Variants in PITPNC1 observed in about 807,000 individuals in gnomAD.
PITPNC1 encodes the protein phosphatidylinositol transfer protein cytoplasmic 1.
A neutral mutation model predicts 44.7 loss-of-function variants in PITPNC1; 18 were observed. The observed-to-expected ratio is 0.40, with a 90% CI of 0.28 to 0.60. PITPNC1 has a LOEUF of 0.60. Among genes scored for constraint, PITPNC1 ranks in the 20% least tolerant of loss-of-function variants. PITPNC1 has a pLI of 0.39. For missense variants in PITPNC1, 290 were observed against 418.4 expected (o/e 0.69, Z 2.68); for synonymous variants, 141 against 149.6 (o/e 0.94, Z 0.42).
chr17:67,661,281 A>T (rs954483503), intron 6 of PITPNC1, among the ~76,000 whole-genome samples: 5 of 152,140 alleles, frequency 3.3e-5, no homozygotes, highest in African/African-American at 9.7e-5. Flanking sequence ...TGTCACCCAC[A>T]GTCAAGGTCA....
chr17:67,425,051 C>A (rs564199439), intron 1 of PITPNC1, among the ~76,000 whole-genome samples: 1 of 152,190 alleles, frequency 6.6e-6, no homozygotes, highest in South Asian at 2.1e-4. Flanking sequence ...AGATCCACCC[C>A]CTGCCTGCAA....
At chr17:67,603,176 G>A (rs2041564079) in intron 5 of PITPNC1, among the ~76,000 whole-genome samples, 1 of 152,154 alleles carries the variant, frequency 6.6e-6, no homozygotes, top group Non-Finnish European at 1.5e-5. Flanking sequence ...AGTGATTATG[G>A]CAGGGCCCCA....
At chr17:67,576,983 A>G (rs1193570633) in intron 4 of PITPNC1, among the ~76,000 whole-genome samples, 4 of 152,212 alleles carry the variant, frequency 2.6e-5, no homozygotes, top group Non-Finnish European at 5.9e-5. Context: ...CAAATTACAT[A>G]TTAAAAGCCA....
At chr17:67,463,205 C>G (rs534464196) in intron 1 of PITPNC1, among the ~76,000 whole-genome samples, 2 of 152,176 alleles carry the variant, frequency 1.3e-5, no homozygotes, top group South Asian at 4.1e-4. Flanking sequence ...TTCTGCATAG[C>G]AAGTAACAAT....
chr17:67,586,425 CAAAA>C (rs33998127), intron 5 of PITPNC1, among the ~76,000 whole-genome samples: 1 of 110,570 alleles, frequency 9.0e-6, no homozygotes, highest in Non-Finnish European at 1.9e-5. Context: ...GTTTCTACTT[CAAAA>C]AAAAAAAAAA....
chr17:67,589,629 T>C (rs1453886618), intron 5 of PITPNC1, among the ~76,000 whole-genome samples: 1 of 147,210 alleles, frequency 6.8e-6, no homozygotes, highest in Non-Finnish European at 1.5e-5. Flanking sequence ...AAGCCATCAA[T>C]GGATGCTAAG....
chr17:67,557,927 C>T (rs2040860348), intron 4 of PITPNC1, among the ~76,000 whole-genome samples: 1 of 152,214 alleles, frequency 6.6e-6, no homozygotes, highest in African/African-American at 2.4e-5. Flanking sequence ...AAGGTCAGAG[C>T]CCCAGTTAGG....
intron 5 of PITPNC1, among the ~76,000 whole-genome samples, chr17:67,608,752 TCTCAGCCTCC>T (rs1275806637): frequency 6.7e-6 from 1 of 150,084 alleles, no homozygotes; most frequent in East Asian, 2.0e-4. Context: ...GATGTGCCTT[TCTCAGCCTCC>T]CAAAGCGTTG....
At chr17:67,443,222 A>G (rs1461020361) in intron 1 of PITPNC1, among the ~76,000 whole-genome samples, 1 of 152,002 alleles carries the variant, frequency 6.6e-6, no homozygotes, top group Admixed American at 6.6e-5. Context: ...ACCTTTGTCC[A>G]TGCTCTGCTG....
At chr17:67,593,130 T>C (rs1386371569) in intron 5 of PITPNC1, among the ~76,000 whole-genome samples, 1 of 152,196 alleles carries the variant, frequency 6.6e-6, no homozygotes, top group East Asian at 1.9e-4. Flanking sequence ...ATGGAAACCA[T>C]TAAAATCATT....
chr17:67,687,049 ATC>A (rs1433329168), intron 8 of PITPNC1: 1 of 1,464,426 alleles, frequency 6.8e-7, no homozygotes, highest in Non-Finnish European at 9.6e-7. Context: ...AGTTGCCAAC[ATC>A]TTGACCTCTT....
rs1346769163 is a variant in PITPNC1 at position 67,632,637 on chromosome 17, A to C, written c.462+399A>C. On this transcript the variant is annotated intron_variant, in intron 6 of 8. Transcript: ENST00000581322. ...GCCCAGGCTGGAGTGTGGTGGTGTGATCTCACTGTGGCATCTGCCTCCCAG... is the reference window on the plus strand; with the variant it reads ...GCCCAGGCTGGAGTGTGGTGGTGTGCTCTCACTGTGGCATCTGCCTCCCAG... Among the ~76,000 whole-genome samples the C allele has an allele frequency of 2.3e-5, 3 of 130,372 alleles. No homozygotes were observed. In the East Asian group the frequency reaches 6.8e-4, roughly 30 times the overall value. The allele number at this position is 130,372 out of a possible 152,430, so 85.5% of individuals were successfully genotyped here.
At chr17:67,517,942 A>G (rs1247890564) in intron 1 of PITPNC1, among the ~76,000 whole-genome samples, 1 of 152,254 alleles carries the variant, frequency 6.6e-6, no homozygotes. Flanking sequence ...GTCATCTTTA[A>G]GATTACTTTT....
intron 1 of PITPNC1, among the ~76,000 whole-genome samples, chr17:67,514,490 G>T (rs1426809810): frequency 6.6e-6 from 1 of 151,300 alleles, no homozygotes; most frequent in Non-Finnish European, 1.5e-5. Context: ...GAGCCATCAT[G>T]CCTGGCCAAA....
chr17:67,490,586 C>T (rs541069204), intron 1 of PITPNC1, among the ~76,000 whole-genome samples: 2 of 152,190 alleles, frequency 1.3e-5, no homozygotes, highest in South Asian at 2.1e-4. Flanking sequence ...AGAGCCTCCC[C>T]GCAGGCAGGG....
chr17:67,500,538 T>C (rs2040011842), intron 1 of PITPNC1, among the ~76,000 whole-genome samples: 1 of 152,104 alleles, frequency 6.6e-6, no homozygotes, highest in South Asian at 2.1e-4. Context: ...ATAAGGAAAA[T>C]GTTCTGAAAT....
intron 1 of PITPNC1, among the ~76,000 whole-genome samples, chr17:67,460,231 G>A (rs1398778014): frequency 6.6e-6 from 1 of 152,154 alleles, no homozygotes; most frequent in Admixed American, 6.5e-5. Flanking sequence ...GATTGCCATT[G>A]TTCCTTAGAG....
At chr17:67,628,308 G>T (rs113568446) in intron 5 of PITPNC1, among the ~76,000 whole-genome samples, 193 of 152,170 alleles carry the variant, frequency 1.3e-3, no homozygotes, top group African/African-American at 4.4e-3. Context: ...AACCTCTCAA[G>T]GGCTATCTTT....
In PITPNC1 at chr17:67,673,376, C is replaced by T. The variant is rs1490668116; in HGVS notation, c.619-2103C>T. Among the ~76,000 whole-genome samples, 3 of 152,208 alleles carry T rather than the reference C, an allele frequency of 2.0e-5. No individual in the cohort carries two copies. In the East Asian group the frequency reaches 5.8e-4, roughly 29 times the overall value. ...GGAAAAGAATACCATGAAATAAAAA[C>T]ACATGAACAGTATCTCACACACGCA... On this transcript the variant is annotated intron_variant, in intron 7 of 8. Coordinates refer to ENST00000581322, the MANE Select transcript of PITPNC1 (RefSeq NM_012417.4).
Sources: allele counts gnomAD v4.1 joint callset (sites outside exome capture counted in the v4.1 genomes callset), GRCh38; gene constraint gnomAD v4.1.1; transcripts MANE v1.5; gene names NCBI Gene and HGNC (gene_info 2026-07-23, HGNC 2026-07-21).